Variants in SPOCK3 observed in about 807,000 individuals in gnomAD.
SPOCK3 encodes the protein testican-3.
SPOCK3 carries 30 observed loss-of-function variants against 56.6 expected under a neutral mutation model. The ratio of observed to expected loss-of-function variants is 0.53; its 90% confidence interval spans 0.40 to 0.72. The LOEUF (loss-of-function observed/expected upper bound fraction) is 0.72. Among genes scored for constraint, SPOCK3 ranks in the 30% least tolerant of loss-of-function variants. SPOCK3 has a pLI of 0.00. For missense variants in SPOCK3, 527 were observed against 530.0 expected, an observed-to-expected ratio of 0.99 and a Z score of 0.06; for synonymous variants, 196 against 183.3, an observed-to-expected ratio of 1.07 and a Z score of -0.56.
At chr4:167,211,328 G>A (rs1734850016) in intron 2 of SPOCK3, among the ~76,000 whole-genome samples, 3 of 152,146 alleles carry the variant, frequency 2.0e-5, no homozygotes, top group Admixed American at 2.0e-4. Context: ...TGTCTTAGAT[G>A]AGACTTTGGA....
chr4:166,790,757 C>T (rs1350345515), intron 7 of SPOCK3, among the ~76,000 whole-genome samples: 1 of 152,116 alleles, frequency 6.6e-6, no homozygotes, highest in East Asian at 1.9e-4. Context: ...GCGCATCAGT[C>T]TGAACTCAAG....
intron 6 of SPOCK3, among the ~76,000 whole-genome samples, chr4:166,800,297 A>T (rs1323894784): frequency 1.3e-5 from 2 of 151,932 alleles, no homozygotes; most frequent in Non-Finnish European, 2.9e-5. Context: ...TTTATGATTT[A>T]AAAAAAGAAA....
chr4:167,218,151 G>A (rs934705997), intron 2 of SPOCK3, among the ~76,000 whole-genome samples: 1 of 152,060 alleles, frequency 6.6e-6, no homozygotes, highest in African/African-American at 2.4e-5. Flanking sequence ...GCACATTTCT[G>A]AATAGCACTT....
chr4:167,215,685 G>A (rs571807623), intron 2 of SPOCK3, among the ~76,000 whole-genome samples: 1 of 152,206 alleles, frequency 6.6e-6, no homozygotes, highest in Non-Finnish European at 1.5e-5. Context: ...AAGAGATTTT[G>A]GATTTGGGAA....
chr4:167,234,068 C>G lies in SPOCK3; in HGVS notation c.106G>C (p.Gly36Arg), dbSNP rs1233027640. 6.2e-7 allele frequency: 1 copy of G among 1,613,924 alleles called. No individual in the cohort carries two copies. Among genetic ancestry groups the G allele is most frequent in the South Asian group, 1.1e-5 (1 of 91,084 alleles). Residue 36 changes from glycine (G) to arginine (R), a missense_variant, in exon 2 of 11, where the codon GGT becomes CGT. Gly to Arg is a moderately radical substitution (Grantham distance 125, BLOSUM62 -2). Transcript: ENST00000357545. The stretch of plus-strand genomic sequence containing the variant: ...CATTGTTTATCATCCAGAAAATTAC[C>G]GCCGTCCGACCGCCCCCCGGCTGCA... The part of the protein sequence containing the change: ...VAAAGGRSDG[G>R]NFLDDKQWLT...
At chr4:166,833,074 A>T (rs1746250558) in intron 6 of SPOCK3, among the ~76,000 whole-genome samples, 1 of 152,206 alleles carries the variant, frequency 6.6e-6, no homozygotes, top group Admixed American at 6.5e-5. Flanking sequence ...TATCATTTTT[A>T]AAAAAGCAAA....
At chr4:166,763,497 T>C (rs902372085) in intron 7 of SPOCK3, among the ~76,000 whole-genome samples, 4 of 152,168 alleles carry the variant, frequency 2.6e-5, no homozygotes, top group East Asian at 1.9e-4. Context: ...CCAGAAATGC[T>C]ACATATGTAG....
chr4:166,784,363 A>G (rs1449465124), intron 7 of SPOCK3, among the ~76,000 whole-genome samples: 3 of 152,112 alleles, frequency 2.0e-5, no homozygotes, highest in Non-Finnish European at 2.9e-5. Context: ...TTAGCTATAT[A>G]TGAATCGTAT....
intron 6 of SPOCK3, among the ~76,000 whole-genome samples, chr4:166,874,127 T>C (rs1366084775): frequency 6.6e-6 from 1 of 152,026 alleles, no homozygotes; most frequent in Admixed American, 6.6e-5. Flanking sequence ...TGTCTTTCTC[T>C]GGGGTAGAGG....
intron 4 of SPOCK3, among the ~76,000 whole-genome samples, chr4:166,966,509 C>T (rs1416460303): frequency 6.6e-6 from 1 of 152,064 alleles, no homozygotes; most frequent in Non-Finnish European, 1.5e-5. Flanking sequence ...GCAGATAATT[C>T]AAAAGCATAC....
chr4:167,067,424 A>G (rs1756266241), intron 2 of SPOCK3, among the ~76,000 whole-genome samples: 2 of 151,820 alleles, frequency 1.3e-5, no homozygotes, highest in Admixed American at 1.3e-4. Flanking sequence ...TTGAAGACAC[A>G]CTTCAAATAT....
intron 6 of SPOCK3, among the ~76,000 whole-genome samples, chr4:166,831,844 C>T (rs1190209608): frequency 6.9e-6 from 1 of 144,008 alleles, no homozygotes; most frequent in African/African-American, 2.6e-5. Flanking sequence ...ATTTCCTCTT[C>T]TTTCTCTCAG....
chr4:167,174,381 G>T (rs1730781063), intron 2 of SPOCK3, among the ~76,000 whole-genome samples: 1 of 150,334 alleles, frequency 6.7e-6, no homozygotes, highest in African/African-American at 2.5e-5. Flanking sequence ...AGGGAAAGAA[G>T]ATATAAGCAA....
intron 6 of SPOCK3, among the ~76,000 whole-genome samples, chr4:166,836,812 G>A (rs1173352193): frequency 6.6e-6 from 1 of 152,116 alleles, no homozygotes; most frequent in African/African-American, 2.4e-5. Flanking sequence ...CCCCGATCTT[G>A]GTATCTGACT....
intron 4 of SPOCK3, among the ~76,000 whole-genome samples, chr4:166,999,928 C>T (rs1043613423): frequency 6.6e-6 from 1 of 152,118 alleles, no homozygotes; most frequent in African/African-American, 2.4e-5. Flanking sequence ...GTCCCTATTT[C>T]GTGACTTTTA....
rs151094540 is a variant in SPOCK3, at chr4:167,099,909, T to C, written c.190-37372A>G. 2.3e-4 allele frequency among the ~76,000 whole-genome samples: 35 copies of C among 152,274 alleles called. No homozygotes were observed. The East Asian group carries it at 6.2e-3, about 27-fold the overall frequency. ...TAAAGCATTGAAGAGCTTTTCAAAA[T>C]TGAAGTATAATTTGACACATTAATT... On this transcript the variant is annotated intron_variant, in intron 2 of 10. Transcript: ENST00000357545.
chr4:167,109,485 A>C (rs1238880645), intron 2 of SPOCK3, among the ~76,000 whole-genome samples: 19 of 106,088 alleles, frequency 1.8e-4, no homozygotes, highest in African/African-American at 6.6e-4. Context: ...ATTTATATAA[A>C]ATATATTTAT....
intron 7 of SPOCK3, among the ~76,000 whole-genome samples, chr4:166,775,005 A>G (rs760454766): frequency 6.6e-6 from 1 of 152,158 alleles, no homozygotes; most frequent in Non-Finnish European, 1.5e-5. Context: ...GGAGTCAGAA[A>G]CCTTGGGAGG....
intron 7 of SPOCK3, among the ~76,000 whole-genome samples, chr4:166,771,095 G>A (rs1228777284): frequency 6.7e-6 from 1 of 149,766 alleles, no homozygotes; most frequent in African/African-American, 2.4e-5. Context: ...ATATAGTGAT[G>A]AAATGATAGC....
Sources: allele counts gnomAD v4.1 joint callset (sites outside exome capture counted in the v4.1 genomes callset), GRCh38; gene constraint gnomAD v4.1.1; transcripts MANE v1.5; gene names NCBI Gene and HGNC (gene_info 2026-07-23, HGNC 2026-07-21).